Variants in CNTNAP5 observed in about 807,000 individuals in gnomAD.
The protein encoded by CNTNAP5 is contactin-associated protein-like 5.
Under a neutral mutation model 150.2 loss-of-function variants are expected in CNTNAP5, and 72 were observed. The ratio of observed to expected loss-of-function variants is 0.48; its 90% CI spans 0.40 to 0.58. CNTNAP5 has a LOEUF of 0.58. CNTNAP5 is among the 20% of genes least tolerant of loss of function. The pLI is 0.00. For synonymous variants in CNTNAP5, 672 were observed against 619.8 expected, an observed-to-expected ratio of 1.08 and a Z score of -1.25; for missense variants, 1,636 against 1,626.2, an observed-to-expected ratio of 1.01 and a Z score of -0.10.
At chr2:124,700,218 A>G (rs1305629984) in intron 13 of CNTNAP5, among the ~76,000 whole-genome samples, 1 of 152,200 alleles carries the variant, frequency 6.6e-6, no homozygotes, top group Non-Finnish European at 1.5e-5. Context: ...AAGGCTGAGT[A>G]ATATTCCATT....
intron 1 of CNTNAP5, among the ~76,000 whole-genome samples, chr2:124,175,357 T>C (rs1685036574): frequency 6.6e-6 from 1 of 152,224 alleles, no homozygotes; most frequent in Non-Finnish European, 1.5e-5. Flanking sequence ...ATTAATTAAT[T>C]TATTTTTAAT....
At chr2:124,859,005 C>T (rs1677447578) in intron 19 of CNTNAP5, among the ~76,000 whole-genome samples, 1 of 152,052 alleles carries the variant, frequency 6.6e-6, no homozygotes, top group Non-Finnish European at 1.5e-5. Context: ...TGGGCAAGGG[C>T]TTCATGTCTA....
rs79175438 is a variant in CNTNAP5, at chr2:124,662,996, A to G, written c.2077+15038A>G. ...TTGATTGTAACAGCTGAAATGGGCCAGGCTTTGTGGTAAGTATTTTCAGTT... is the reference window on the plus strand; with the variant it reads ...TTGATTGTAACAGCTGAAATGGGCCGGGCTTTGTGGTAAGTATTTTCAGTT... On this transcript the variant is annotated intron_variant, in intron 13 of 23. Transcript: ENST00000682447. Among the ~76,000 whole-genome samples the G allele has an allele frequency of 8.5e-4, 129 of 152,368 alleles. No homozygotes were observed. In the East Asian group the frequency reaches 0.023, roughly 27 times the overall value.
intron 17 of CNTNAP5, among the ~76,000 whole-genome samples, chr2:124,788,275 C>A (rs1225173542): frequency 6.6e-6 from 1 of 152,112 alleles, no homozygotes; most frequent in Non-Finnish European, 1.5e-5. Flanking sequence ...CTGATGGGAA[C>A]AAAACACTCT....
At chr2:124,329,687 C>G (rs1689301230) in intron 3 of CNTNAP5, among the ~76,000 whole-genome samples, 1 of 152,144 alleles carries the variant, frequency 6.6e-6, no homozygotes, top group Non-Finnish European at 1.5e-5. Context: ...AAACCACTCT[C>G]CTATCTCCGG....
intron 12 of CNTNAP5, among the ~76,000 whole-genome samples, chr2:124,618,690 A>T (rs1221184527): frequency 2.0e-5 from 3 of 152,148 alleles, no homozygotes; most frequent in African/African-American, 4.8e-5. Flanking sequence ...AGAAGGCTGG[A>T]GATGTGCAGA....
chr2:124,449,153 T>C (rs554599900), intron 6 of CNTNAP5, among the ~76,000 whole-genome samples: 30 of 152,316 alleles, frequency 2.0e-4, no homozygotes, highest in African/African-American at 7.2e-4. Context: ...ATGCCATTCA[T>C]TAACTTCAAA....
intron 11 of CNTNAP5, among the ~76,000 whole-genome samples, chr2:124,575,960 A>G (rs1042018691): frequency 1.3e-5 from 2 of 152,176 alleles, no homozygotes; most frequent in African/African-American, 4.8e-5. Flanking sequence ...AAAACTTCCC[A>G]TTTTTAATTT....
At chr2:124,342,335 G>A (rs553503305) in intron 3 of CNTNAP5, among the ~76,000 whole-genome samples, 43 of 152,202 alleles carry the variant, frequency 2.8e-4, no homozygotes, top group Non-Finnish European at 1.0e-4. Context: ...GTAGATTTGG[G>A]TTAATCCTGC....
At chr2:124,435,119 G>A (rs1459922090) in intron 5 of CNTNAP5, among the ~76,000 whole-genome samples, 6 of 152,286 alleles carry the variant, frequency 3.9e-5, no homozygotes, top group Non-Finnish European at 1.5e-5. Context: ...GGGATCATAT[G>A]TGTGAGGTGA....
intron 19 of CNTNAP5, among the ~76,000 whole-genome samples, chr2:124,805,202 T>G (rs1335052766): frequency 1.3e-5 from 2 of 152,134 alleles, no homozygotes; most frequent in Non-Finnish European, 2.9e-5. Context: ...AGGAAACAGA[T>G]TTTAATATAC....
intron 1 of CNTNAP5, among the ~76,000 whole-genome samples, chr2:124,104,039 A>T (rs1028478958): frequency 6.7e-6 from 1 of 148,342 alleles, no homozygotes; most frequent in Admixed American, 6.8e-5. Context: ...TATACATTAT[A>T]CATAAATCTA....
chr2:124,541,179 A>ATTTTGTTTTTTTTTTTTTTTTTTTTTT, intron 10 of CNTNAP5, among the ~76,000 whole-genome samples: 1 of 83,082 alleles, frequency 1.2e-5, no homozygotes, highest in Non-Finnish European at 2.3e-5. Context: ...CAAAATTCCG[A>ATTTTGTTTTTTTTTTTTTTTTTTTTTT]TTTTTTTTTT....
intron 7 of CNTNAP5, among the ~76,000 whole-genome samples, chr2:124,491,815 G>A (rs976750497): frequency 1.3e-5 from 2 of 151,652 alleles, no homozygotes; most frequent in African/African-American, 4.8e-5. Flanking sequence ...ACCTATTGTG[G>A]TTTCAACTTG....
At chr2:124,586,281 T>C (rs1471414149) in intron 11 of CNTNAP5, among the ~76,000 whole-genome samples, 2 of 152,212 alleles carry the variant, frequency 1.3e-5, no homozygotes, top group Non-Finnish European at 2.9e-5. Context: ...GATGATTTGA[T>C]CTGTTCAAGT....
intron 1 of CNTNAP5, among the ~76,000 whole-genome samples, chr2:124,025,957 C>A (rs892548652): frequency 2.6e-5 from 4 of 152,154 alleles, no homozygotes; most frequent in African/African-American, 9.7e-5. Flanking sequence ...TCGCAAAGTT[C>A]AAGGGATAAG....
chr2:124,449,637 G>A (rs527642881), intron 6 of CNTNAP5, among the ~76,000 whole-genome samples: 6 of 152,242 alleles, frequency 3.9e-5, no homozygotes, highest in African/African-American at 9.6e-5. Flanking sequence ...TCTTCAGGGC[G>A]TGCACGGATG....
intron 3 of CNTNAP5, among the ~76,000 whole-genome samples, chr2:124,357,336 T>G (rs1007918693): frequency 6.6e-6 from 1 of 152,218 alleles, no homozygotes; most frequent in Non-Finnish European, 1.5e-5. Flanking sequence ...CAATTTTGTC[T>G]TTTGTTGCCA....
intron 1 of CNTNAP5, among the ~76,000 whole-genome samples, chr2:124,210,271 C>T (rs1051997228): frequency 6.6e-6 from 1 of 152,086 alleles, no homozygotes; most frequent in Non-Finnish European, 1.5e-5. Context: ...AGACGAGAAG[C>T]TTTAAATATG....
Sources: gnomAD v4.1 joint callset for allele counts (sites outside exome capture counted in the v4.1 genomes callset) on GRCh38, gnomAD v4.1.1 for gene constraint, MANE v1.5 for transcripts, NCBI Gene and HGNC (gene_info 2026-07-23, HGNC 2026-07-21) for gene names.